The following DPH6 variants were observed in gnomAD, a reference collection of about 807,000 sequenced individuals.
DPH6 encodes the protein diphthine--ammonia ligase.
DPH6 carries 33 observed loss-of-function variants against 38.2 expected under a neutral mutation model. That is an observed-to-expected ratio of 0.86 (90% CI 0.65 to 1.15). DPH6 has a LOEUF of 1.15. Ranked by LOEUF, DPH6 falls within the 50% of genes most tolerant of loss-of-function variation. The pLI is 0.00. For synonymous variants in DPH6, 108 were observed against 103.0 expected, an observed-to-expected ratio of 1.05 and a Z score of -0.30; for missense variants, 325 against 320.0, an observed-to-expected ratio of 1.02 and a Z score of -0.12.
intron 5 of DPH6, among the ~76,000 whole-genome samples, chr15:35,439,396 C>T (rs1182208038): frequency 6.6e-6 from 1 of 152,218 alleles, no homozygotes; most frequent in East Asian, 1.9e-4. Flanking sequence ...CTCTGCCTGG[C>T]TTCTCTAGTA....
In DPH6 at chr15:35,521,773, T is replaced by C. The variant is rs762988499; in HGVS notation, c.312+16501A>G. 1.8e-5 allele frequency: 22 copies of C among 1,235,338 alleles called. No homozygotes were observed. In the South Asian group the frequency reaches 2.0e-4, roughly 11 times the overall value. The allele number at this position is 1,235,338 out of a possible 1,614,324, so 76.5% of individuals were successfully genotyped here. A position where few individuals can be genotyped will look rare whatever the true frequency, so the allele number is the denominator to read the frequency against. On this transcript the variant is annotated intron_variant, in intron 3 of 8. Transcript: ENST00000256538. ...CAATAGCTGCTAAAAGGATGCAACA[T>C]TGTTGATTCATATACAAGCATTTTA... is the stretch of plus-strand genomic sequence containing the variant.
chr15:35,298,499 A>G, intron 3 of DPH6: 1 of 775,162 alleles, frequency 1.3e-6, no homozygotes, highest in Non-Finnish European at 2.4e-6. Flanking sequence ...GTCTTCATCC[A>G]CCTTTCCCGC....
chr15:35,198,201 C>T, the DPH6 span, among the ~76,000 whole-genome samples: 14 of 140,796 alleles, frequency 9.9e-5, no homozygotes, highest in African/African-American at 3.3e-4. Context: ...CATTTTTTTT[C>T]TAAGCTATCA....
chr15:35,192,910 T>C, the DPH6 span, among the ~76,000 whole-genome samples: 1 of 152,174 alleles, frequency 6.6e-6, no homozygotes, highest in African/African-American at 2.4e-5. Flanking sequence ...GGTTGTTGCT[T>C]TCTAGAAACT....
intron 3 of DPH6, among the ~76,000 whole-genome samples, chr15:35,281,814 C>T (rs550787723): frequency 2.4e-4 from 37 of 152,270 alleles, no homozygotes; most frequent in Non-Finnish European, 3.7e-4. Flanking sequence ...AGATATCTAC[C>T]GTAGATACCT....
At chr15:35,465,809 G>A (rs1049036531) in intron 3 of DPH6, among the ~76,000 whole-genome samples, 6 of 152,032 alleles carry the variant, frequency 3.9e-5, no homozygotes, top group African/African-American at 1.4e-4. Flanking sequence ...CATTAAATAG[G>A]GGAAAAAGTT....
chr15:35,348,451 C>A lies in DPH6; in HGVS notation n.208-17374G>T, dbSNP rs548317773. ...GACATCTTTGCTGAAAATCATTTGA[C>A]CATATACATAAAGATTTCTCTGGGC... On this transcript the variant is annotated intron_variant and non_coding_transcript_variant, in intron 3 of 3. Transcript: ENST00000558973. Among the ~76,000 whole-genome samples the A allele has an allele frequency of 5.8e-4, 89 of 152,192 alleles. 2 individuals carry two copies. The South Asian group carries it at 0.016, about 28-fold the overall frequency.
the DPH6 span, among the ~76,000 whole-genome samples, chr15:35,203,159 T>A: frequency 2.6e-5 from 4 of 151,764 alleles, no homozygotes; most frequent in Non-Finnish European, 4.4e-5. Context: ...TAGATATAAA[T>A]ATCTTATTTT....
intron 1 of DPH6, 144 bp downstream of exon 1, chr15:35,545,975 C>A: frequency 1.3e-6 from 1 of 753,840 alleles, no homozygotes; most frequent in Non-Finnish European, 1.8e-6. Flanking sequence ...AGCGAAGGCT[C>A]CGCCTCTTCC....
intron 3 of DPH6, among the ~76,000 whole-genome samples, chr15:35,466,712 C>A (rs1484723783): frequency 6.6e-6 from 1 of 152,080 alleles, no homozygotes; most frequent in East Asian, 1.9e-4. Flanking sequence ...ATGGTAATAG[C>A]CTACTACACA....
the DPH6 span, among the ~76,000 whole-genome samples, chr15:35,179,159 T>G: frequency 7.0e-6 from 1 of 142,732 alleles, no homozygotes. Flanking sequence ...TGAGCCAAGA[T>G]TGCGCCATTG....
intron 3 of DPH6, among the ~76,000 whole-genome samples, chr15:35,236,029 CT>C (rs1488496287): frequency 6.6e-6 from 1 of 152,150 alleles, no homozygotes; most frequent in Non-Finnish European, 1.5e-5. Flanking sequence ...GAACAAAGAG[CT>C]TTCTAATCAA....
chr15:35,434,033 A>T (rs2053664598), intron 5 of DPH6, among the ~76,000 whole-genome samples: 1 of 152,236 alleles, frequency 6.6e-6, no homozygotes, highest in Admixed American at 6.5e-5. Flanking sequence ...CTGTCAGGGT[A>T]CCAAAGCATC....
intron 4 of DPH6, among the ~76,000 whole-genome samples, chr15:35,451,461 T>C (rs186539431): frequency 1.2e-4 from 19 of 152,290 alleles, no homozygotes; most frequent in Admixed American, 9.8e-4. Flanking sequence ...AGTTCATAAA[T>C]AGGGGCAAAA....
chr15:35,164,797 C>T, the DPH6 span, among the ~76,000 whole-genome samples: 3 of 151,850 alleles, frequency 2.0e-5, no homozygotes, highest in Non-Finnish European at 4.4e-5. Context: ...ACTCTATAAT[C>T]ATCACCTTTC....
chr15:35,372,152 A>G lies in DPH6; in HGVS notation c.802T>C (p.Ter268ArgextTer9). 1 of 1,523,696 alleles carries G rather than the reference A, an allele frequency of 6.6e-7. No individual in the cohort carries two copies. 94.4% of individuals were successfully genotyped at this position (1,523,696 alleles called of 1,614,324 possible). A position where few individuals can be genotyped will look rare whatever the true frequency, so the allele number is the denominator to read the frequency against. ...TGAACAATGTTCCAAAACACTTTTCAAAAATTATATATATAATTAGATGTT... is the reference window on the plus strand; with the variant it reads ...TGAACAATGTTCCAAAACACTTTTCGAAAATTATATATATAATTAGATGTT... ...YRTSNYIYNF* is the reference protein window; with the variant it reads ...YRTSNYIYNFR Residue 268 changes from the stop codon to arginine, a stop_lost, in exon 9 of 9, where the codon TGA (stop) becomes CGA (arginine). Coordinates refer to ENST00000256538, the MANE Select transcript of DPH6 (RefSeq NM_080650.4).
At chr15:35,169,526 T>C in the DPH6 span, 3 of 152,268 alleles carry the variant, frequency 2.0e-5, no homozygotes, top group Admixed American at 1.3e-4. Context: ...AAGCAGCCAC[T>C]TCTCTATTTT....
At chr15:35,325,592 A>G (rs939019719) in intron 3 of DPH6, among the ~76,000 whole-genome samples, 1 of 152,170 alleles carries the variant, frequency 6.6e-6, no homozygotes, top group African/African-American at 2.4e-5. Flanking sequence ...AGGAGGGAGG[A>G]TAGTGTAGAT....
intron 1 of DPH6, among the ~76,000 whole-genome samples, chr15:35,543,736 G>C (rs941243775): frequency 1.3e-5 from 2 of 152,060 alleles, no homozygotes; most frequent in Non-Finnish European, 1.5e-5. Flanking sequence ...GAGAGCACAA[G>C]GGCCAAAGTG....
Sources: gnomAD v4.1 joint callset for allele counts (sites outside exome capture counted in the v4.1 genomes callset) on GRCh38, gnomAD v4.1.1 for gene constraint, MANE v1.5 for transcripts, NCBI Gene and HGNC (gene_info 2026-07-23, HGNC 2026-07-21) for gene names.